WDR17: variants seen among roughly 807,000 people sequenced by gnomAD.
WDR17 encodes WD repeat domain 17, also known as WD repeat-containing protein 17.
In WDR17, 143 loss-of-function variants were observed where a neutral mutation model predicts 161.7. The ratio of observed to expected loss-of-function variants is 0.88; its 90% CI spans 0.77 to 1.02. WDR17 has a LOEUF of 1.02. Ranked by LOEUF, WDR17 falls within the 50% of genes least tolerant of loss-of-function variation. The pLI, the probability that WDR17 is intolerant of heterozygous loss-of-function variation, is 0.00. For missense variants in WDR17, 1,469 were observed against 1,520.9 expected, an observed-to-expected ratio of 0.97 and a Z score of 0.57; for synonymous variants, 517 against 515.6, an observed-to-expected ratio of 1.00 and a Z score of -0.04.
intron 1 of WDR17, among the ~76,000 whole-genome samples, chr4:176,067,964 ATACTT>A (rs1329024996): frequency 2.6e-5 from 4 of 152,238 alleles, no homozygotes; most frequent in Non-Finnish European, 5.9e-5. Context: ...TGTTGCCTAA[ATACTT>A]TAATGACGAC....
At chr4:176,093,812 C>G (rs1301239423) in intron 1 of WDR17, among the ~76,000 whole-genome samples, 1 of 152,130 alleles carries the variant, frequency 6.6e-6, no homozygotes, top group Admixed American at 6.6e-5. Context: ...CAGATCCCAT[C>G]TATTCTCATA....
chr4:176,149,288 G>A lies in WDR17; in HGVS notation c.1898-519G>A, dbSNP rs116253145. The stretch of plus-strand genomic sequence containing the variant: ...ATTATTATTTTGTTTTTTTGAAACA[G>A]AGTCTCACTCTGGCTCTGTTGCCCA... On this transcript the variant is annotated intron_variant, in intron 13 of 28. Transcript: ENST00000508596. 5.5e-3 allele frequency among the ~76,000 whole-genome samples: 829 copies of A among 151,142 alleles called. 6 individuals are homozygous for A. The highest frequency in any genetic ancestry group is 0.011 in the Admixed American group (160 of 15,136).
intron 4 of WDR17, among the ~76,000 whole-genome samples, chr4:176,121,748 C>T (rs1741619902): frequency 6.6e-6 from 1 of 152,034 alleles, no homozygotes; most frequent in Admixed American, 6.6e-5. Flanking sequence ...AAATATAAAA[C>T]ATTGAGACAG....
intron 12 of WDR17, among the ~76,000 whole-genome samples, chr4:176,146,956 TC>T (rs940065384): frequency 1.2e-4 from 18 of 151,828 alleles, no homozygotes; most frequent in Non-Finnish European, 2.2e-4. Flanking sequence ...AATCTCTGCC[TC>T]CCGGGTTCAA....
At chr4:176,137,639 A>G (rs1462029702) in intron 9 of WDR17, 28 bp downstream of exon 9, 3 of 1,347,360 alleles carry the variant, frequency 2.2e-6, no homozygotes, top group Non-Finnish European at 3.1e-6. Context: ...CTACTGAATA[A>G]TATAATGTTT....
chr4:176,163,958 A>G (rs1749416115), intron 22 of WDR17, among the ~76,000 whole-genome samples: 1 of 152,186 alleles, frequency 6.6e-6, no homozygotes, highest in Admixed American at 6.5e-5. Flanking sequence ...TTTCTCTCAA[A>G]TACTTAGGAT....
In WDR17 at chr4:176,102,877, G is replaced by A. The variant is rs115345315; in HGVS notation, c.-6-8698G>A. On this transcript the variant is annotated intron_variant, in intron 1 of 28. Transcript: ENST00000508596. ...GGCAGCTACTCATCCCTCACCTCAA[G>A]CCCCAGGGCAGACAAGTGAGCATGT... Among the ~76,000 whole-genome samples the A allele has an allele frequency of 4.3e-3, 657 of 152,210 alleles. 5 individuals are homozygous for A. The highest frequency in any genetic ancestry group is 0.015 in the African/African-American group (613 of 41,540).
rs1206931003 is a variant in WDR17 at position 176,125,318 on chromosome 4, C to T, written c.753C>T (p.Ala251=). 6 of 1,614,144 alleles carry T rather than the reference C, an allele frequency of 3.7e-6. No homozygotes were observed. Among genetic ancestry groups the T allele is most frequent in the Non-Finnish European group, 5.1e-6 (6 of 1,180,008 alleles). Residue 251 remains alanine, a synonymous_variant, in exon 5 of 29, where the codon GCC becomes GCT. Coordinates refer to ENST00000508596, the MANE Select transcript of WDR17 (RefSeq NM_181265.4). ...CAGCAGCTTCTGTACAGTGCTTAGC[C>T]TGGGTTCCCAGTGCTCCTGGGATGT... is the stretch of plus-strand genomic sequence containing the variant. ...PSAAASVQCL[A]WVPSAPGMFI... is the part of the protein sequence containing the mutation.
At chr4:176,179,314 C>CT (rs1751898033) in intron 28 of WDR17, 146 bp from the exon 29 acceptor site, 8 of 928,674 alleles carry the variant, frequency 8.6e-6, no homozygotes, top group South Asian at 4.4e-5. Flanking sequence ...CTCAAAAAAA[C>CT]TAATTTTCTC....
At chr4:176,080,722 C>G (rs1251510222) in intron 1 of WDR17, among the ~76,000 whole-genome samples, 2 of 152,084 alleles carry the variant, frequency 1.3e-5, no homozygotes, top group East Asian at 3.9e-4. Context: ...AATATTTAAC[C>G]TGCTTGAGAA....
chr4:176,070,112 G>C (rs1270996884), intron 1 of WDR17, among the ~76,000 whole-genome samples: 3 of 152,154 alleles, frequency 2.0e-5, no homozygotes, highest in African/African-American at 7.2e-5. Flanking sequence ...TAAGGGAAAA[G>C]CTGGCTTATG....
chr4:176,177,221 GA>G lies in WDR17; in HGVS notation c.3548+67del, dbSNP rs1361791407. The G allele has an allele frequency of 5.8e-6, 8 of 1,381,292 alleles. No individual in the cohort carries two copies. In the African/African-American group the frequency reaches 8.6e-5, roughly 15 times the overall value. The allele number at this position is 1,381,292 out of a possible 1,614,324, so 85.6% of individuals were successfully genotyped here. ...TTTGATGTTATAGACAAACTTGTTG[GA>G]AGTATGTGTGGTCTCATTAATTTTA... On this transcript the variant is annotated intron_variant, in intron 27 of 28. Coordinates refer to ENST00000508596, the MANE Select transcript of WDR17 (RefSeq NM_181265.4).
chr4:176,130,625 G>A lies in WDR17; in HGVS notation c.914-929G>A, dbSNP rs182042133. On this transcript the variant is annotated intron_variant, in intron 6 of 28. Transcript: ENST00000508596. ...CCGGGCGTGGTGGCAGGAGCCTGTA[G>A]TCCCAGCTACTGGGGAGGCTGAGGC... 3.0e-3 allele frequency among the ~76,000 whole-genome samples: 460 copies of A among 151,626 alleles called. 3 individuals are homozygous for A. Among genetic ancestry groups the A allele is most frequent in the Non-Finnish European group, 5.2e-3 (351 of 67,878 alleles).
At chr4:176,092,529 A>T (rs1214370509) in intron 1 of WDR17, among the ~76,000 whole-genome samples, 2 of 152,182 alleles carry the variant, frequency 1.3e-5, no homozygotes, top group African/African-American at 4.8e-5. Flanking sequence ...TGGAAATCCT[A>T]GCTAGAGCAA....
At chr4:176,172,150 G>A (rs1750823588) in intron 23 of WDR17, among the ~76,000 whole-genome samples, 2 of 151,982 alleles carry the variant, frequency 1.3e-5, no homozygotes, top group African/African-American at 4.8e-5. Flanking sequence ...TTTGTGTGAT[G>A]GAAAACTACT....
At position 176,162,144 on chromosome 4, in the gene WDR17, A is replaced by C; in HGVS notation, c.2820A>C (p.Ala940=). Reference sequence around the variant, plus strand: ...AAGATGGTCGAGCAGTACTAGCCGCATGTTGCCATCTTGCCATAGATAATA... The same window carrying C: ...AAGATGGTCGAGCAGTACTAGCCGCCTGTTGCCATCTTGCCATAGATAATA... The part of the protein sequence containing the change: ...YFQDGRAVLA[A]CCHLAIDNIE... The change falls in exon 21 of 29, where the codon GCA becomes GCC. Residue 940 remains alanine, a synonymous_variant. Transcript: ENST00000508596. 7.4e-6 allele frequency: 12 copies of C among 1,613,036 alleles called. No homozygotes were observed. Among genetic ancestry groups the C allele is most frequent in the Admixed American group, 1.7e-5 (1 of 59,878 alleles).
chr4:176,151,383 C>T (rs1041812546), intron 16 of WDR17, among the ~76,000 whole-genome samples: 1 of 152,086 alleles, frequency 6.6e-6, no homozygotes, highest in Non-Finnish European at 1.5e-5. Flanking sequence ...TCTCTCCCCT[C>T]CCGTGTCCCA....
chr4:176,149,323 A>G (rs936007241), intron 13 of WDR17, among the ~76,000 whole-genome samples: 1 of 151,298 alleles, frequency 6.6e-6, no homozygotes, highest in African/African-American at 2.4e-5. Flanking sequence ...AGGATGGTGT[A>G]CAGTGGCGCA....
At chr4:176,070,316 T>C (rs1030392797) in intron 1 of WDR17, among the ~76,000 whole-genome samples, 3 of 152,170 alleles carry the variant, frequency 2.0e-5, no homozygotes, top group Non-Finnish European at 2.9e-5. Context: ...CAGAGCGTAA[T>C]ATTTGACTTA....
Sources: gnomAD v4.1 joint callset for allele counts (sites outside exome capture counted in the v4.1 genomes callset) on GRCh38, gnomAD v4.1.1 for gene constraint, MANE v1.5 for transcripts, NCBI Gene and HGNC (gene_info 2026-07-23, HGNC 2026-07-21) for gene names.